Variants in MEAK7 observed in about 807,000 individuals in gnomAD.
MEAK7 encodes MTOR associated protein MEAK7.
MEAK7 carries 68 observed loss-of-function variants against 40.5 expected under a neutral mutation model. The ratio of observed to expected loss-of-function variants is 1.68; its 90% CI spans 1.38 to 2.06. The LOEUF (loss-of-function observed/expected upper bound fraction) is 2.06. Among genes scored for constraint, MEAK7 ranks in the 30% most tolerant of loss-of-function variants. MEAK7 has a pLI of 0.00. For missense variants in MEAK7, 918 were observed against 580.5 expected, an observed-to-expected ratio of 1.58 and a Z score of -5.98; for synonymous variants, 338 against 231.9, an observed-to-expected ratio of 1.46 and a Z score of -4.16.
chr16:84,498,033 A>C lies in MEAK7; in HGVS notation c.54T>G (p.Pro18=). The C allele has an allele frequency of 6.2e-7, 1 of 1,614,200 alleles. No homozygotes were observed. The part of the protein sequence containing the change: ...VGRSFCSQFL[P]EEQAEIDQLF... ...ATTGATCAATCTCTGCCTGTTCCTC[A>C]GGAAGAAACTGTGAACAAAAGCTCC... Residue 18 remains proline, a synonymous_variant, in exon 2 of 8, where the codon CCT becomes CCG. Transcript: ENST00000343629.
chr16:84,485,678 C>G (rs1900796272), intron 5 of MEAK7, among the ~76,000 whole-genome samples: 1 of 152,004 alleles, frequency 6.6e-6, no homozygotes, highest in African/African-American at 2.4e-5. Flanking sequence ...ATCTACCTAT[C>G]TATCTATCTA....
chr16:84,486,534 T>C (rs566695629), intron 5 of MEAK7, 97 bp downstream of exon 5: 7 of 1,489,174 alleles, frequency 4.7e-6, no homozygotes, highest in Admixed American at 5.1e-5. Context: ...TTGGAGAAGA[T>C]GGGAGAGCCC....
chr16:84,486,561 C>G (rs944425966), intron 5 of MEAK7, 70 bp downstream of exon 5: 17 of 1,517,510 alleles, frequency 1.1e-5, no homozygotes, highest in Non-Finnish European at 1.5e-5. Context: ...GCACCCCCAC[C>G]CTCTCCCTTT....
chr16:84,494,106 T>G (rs1913848284), intron 3 of MEAK7, among the ~76,000 whole-genome samples: 1 of 152,166 alleles, frequency 6.6e-6, no homozygotes, highest in Non-Finnish European at 1.5e-5. Context: ...AAGGAAAAGT[T>G]CTAGCAAAGA....
At chr16:84,486,438 G>C in intron 5 of MEAK7, 193 bp downstream of exon 5, 1 of 1,379,630 alleles carries the variant, frequency 7.2e-7, no homozygotes, top group Non-Finnish European at 9.3e-7. Flanking sequence ...GGGGTCACAC[G>C]GCCTGTCCTG....
intron 6 of MEAK7, among the ~76,000 whole-genome samples, chr16:84,481,409 C>G (rs552605338): frequency 6.6e-6 from 1 of 152,212 alleles, no homozygotes; most frequent in Admixed American, 6.5e-5. Flanking sequence ...GGGCCAATGA[C>G]GAGCGATGAC....
intron 6 of MEAK7, among the ~76,000 whole-genome samples, chr16:84,481,983 A>G (rs1912595674): frequency 6.6e-6 from 1 of 152,172 alleles, no homozygotes; most frequent in Admixed American, 6.5e-5. Context: ...CAGAGGAAAG[A>G]AATCAGCAGG....
At chr16:84,491,540 A>C (rs1199915918) in intron 3 of MEAK7, among the ~76,000 whole-genome samples, 1 of 31,486 alleles carries the variant, frequency 3.2e-5, no homozygotes. Context: ...CCCTGTCTTA[A>C]AAAAAAAAAA....
intron 1 of MEAK7, among the ~76,000 whole-genome samples, chr16:84,500,234 T>G (rs1280155837): frequency 6.6e-6 from 1 of 152,210 alleles, no homozygotes; most frequent in Non-Finnish European, 1.5e-5. Context: ...ACTGGGGCTG[T>G]TTCCACCTTC....
chr16:84,479,856 G>C lies in MEAK7; in HGVS notation c.*57C>G. 3 of 1,344,846 alleles carry C rather than the reference G, an allele frequency of 2.2e-6. No individual in the cohort carries two copies. In the South Asian group the frequency reaches 4.1e-5, roughly 19 times the overall value. The allele number at this position is 1,344,846 out of a possible 1,614,324, so 83.3% of individuals were successfully genotyped here. A position where few individuals can be genotyped will look rare whatever the true frequency, so the allele number is the denominator to read the frequency against. On this transcript the variant is annotated 3_prime_UTR_variant, in exon 8 of 8. Transcript: ENST00000343629. The stretch of plus-strand genomic sequence containing the variant: ...GTGGGAGGGAAGAGGGGCTGCAGGC[G>C]TTGCCCTCTACCCAGAGGAATCCAG...
At chr16:84,497,561 G>C in intron 2 of MEAK7, 1 of 1,296,958 alleles carries the variant, frequency 7.7e-7, no homozygotes, top group Middle Eastern at 2.1e-4. Flanking sequence ...CACGAGGCAG[G>C]CTATCTCTCT....
At chr16:84,503,970 G>A (rs1307120082) in intron 1 of MEAK7, 6 of 985,496 alleles carry the variant, frequency 6.1e-6, no homozygotes, top group Non-Finnish European at 7.2e-6. Flanking sequence ...CCACAAGCTG[G>A]GGAGATTCCA....
In MEAK7 at chr16:84,479,269, C is replaced by T. The variant is rs1306150409; in HGVS notation, c.*644G>A. On this transcript the variant is annotated 3_prime_UTR_variant, in exon 8 of 8. Coordinates refer to ENST00000343629, the MANE Select transcript of MEAK7 (RefSeq NM_020947.4). ...GAGATTTTCATCCAGATGCCTCTGT[C>T]CCTCACCCGTCAGAACAGACCATCA... is the stretch of plus-strand genomic sequence containing the variant. 6.6e-6 allele frequency: 1 copy of T among 152,260 alleles called. No individual in the cohort carries two copies. Among genetic ancestry groups the T allele is most frequent in the Non-Finnish European group, 1.5e-5 (1 of 68,082 alleles). 9.4% of individuals were successfully genotyped at this position (152,260 alleles called of 1,614,324 possible). A position where few individuals can be genotyped will look rare whatever the true frequency, so the allele number is the denominator to read the frequency against.
intron 3 of MEAK7, 56 bp from the exon 4 acceptor site, chr16:84,489,478 G>T: frequency 1.3e-6 from 2 of 1,526,354 alleles, no homozygotes; most frequent in Non-Finnish European, 8.8e-7. Flanking sequence ...TGAGACCTAT[G>T]TCATGCCCAC....
At chr16:84,493,939 TG>T (rs929799806) in intron 3 of MEAK7, among the ~76,000 whole-genome samples, 11 of 152,292 alleles carry the variant, frequency 7.2e-5, no homozygotes, top group African/African-American at 2.6e-4. Flanking sequence ...CAAGTTTTCT[TG>T]GGACCTCAAA....
rs886779069 is a variant in MEAK7, at chr16:84,478,500, T to C, written c.*1413A>G. 4 of 152,242 alleles carry C rather than the reference T, an allele frequency of 2.6e-5. No homozygotes were observed. Among genetic ancestry groups the C allele is most frequent in the Admixed American group, 2.0e-4 (3 of 15,278 alleles). The allele number at this position is 152,242 out of a possible 1,614,324, so 9.4% of individuals were successfully genotyped here. A position where few individuals can be genotyped will look rare whatever the true frequency, so the allele number is the denominator to read the frequency against. ...AACTATACAATAAGAGGTTGTATTT[T>C]CATCAGATCTGCAAAAGGTCAAAGC... On this transcript the variant is annotated 3_prime_UTR_variant, in exon 8 of 8. Coordinates refer to ENST00000343629, the MANE Select transcript of MEAK7 (RefSeq NM_020947.4).
chr16:84,486,620 C>A lies in MEAK7; in HGVS notation c.958+11G>T. ...GTGCCACTCGTCAAGGTTCAGGACA[C>A]CAAGTCTTACCTTGAAACTGAGGCT... On this transcript the variant is annotated intron_variant, in intron 5 of 7. Coordinates refer to ENST00000343629, the MANE Select transcript of MEAK7 (RefSeq NM_020947.4). 6.3e-7 allele frequency: 1 copy of A among 1,591,090 alleles called. No homozygotes were observed. Among genetic ancestry groups the A allele is most frequent in the Non-Finnish European group, 8.6e-7 (1 of 1,168,934 alleles).
chr16:84,500,216 T>C (rs1914386682), intron 1 of MEAK7, among the ~76,000 whole-genome samples: 2 of 152,200 alleles, frequency 1.3e-5, no homozygotes, highest in South Asian at 4.1e-4. Flanking sequence ...CATCATTAGC[T>C]GAAGGACACT....
chr16:84,486,738 CCA>C lies in MEAK7; in HGVS notation c.849_850del (p.Cys283TrpfsTer17), dbSNP rs778301698. 2.1e-5 allele frequency: 34 copies of C among 1,613,878 alleles called. No homozygotes were observed. Among genetic ancestry groups the C allele is most frequent in the South Asian group, 1.1e-4 (10 of 91,082 alleles). ...ACAGGGTCCCCGGTGAGTGATGTGG[CCA>C]CAGAGCTGGGAGAAGCTGTGTCCAT... On this transcript the variant is annotated frameshift_variant, in exon 5 of 8. Transcript: ENST00000343629. LOFTEE classifies it high-confidence loss of function.
Sources: allele counts gnomAD v4.1 joint callset (sites outside exome capture counted in the v4.1 genomes callset), GRCh38; gene constraint gnomAD v4.1.1; transcripts MANE v1.5; gene names NCBI Gene and HGNC (gene_info 2026-07-23, HGNC 2026-07-21).